ZFHX3: variants seen among roughly 807,000 people sequenced by gnomAD.
ZFHX3 encodes zinc finger homeobox 3.
ZFHX3 carries 42 observed loss-of-function variants against 279.1 expected under a neutral mutation model. The ratio of observed to expected loss-of-function variants is 0.15; its 90% CI spans 0.12 to 0.19. The LOEUF (loss-of-function observed/expected upper bound fraction) is 0.19, where lower values mean the gene tolerates loss of function less well. Ranked by LOEUF, ZFHX3 falls within the 10% of genes least tolerant of loss-of-function variation. ZFHX3 has a pLI of 1.00. For synonymous variants in ZFHX3, 2,293 were observed against 1,957.8 expected (o/e 1.17, Z -4.52); for missense variants, 4,981 against 4,754.0 (o/e 1.05, Z -1.40).
At chr16:72,945,504 C>T (rs12927608) in intron 3 of ZFHX3, among the ~76,000 whole-genome samples, 18,239 of 152,098 alleles carry the variant, frequency 0.12, 1,473 homozygotes, top group Non-Finnish European at 0.18. Flanking sequence ...TCCAGCTGCT[C>T]CAGGAGAAGG....
chr16:73,271,239 T>C (rs1171692044), intron 4 of ZFHX3, among the ~76,000 whole-genome samples: 1 of 152,208 alleles, frequency 6.6e-6, no homozygotes, highest in Non-Finnish European at 1.5e-5. Context: ...TGAGCCCTTG[T>C]CATTTTAAAC....
In ZFHX3 at chr16:72,928,154, GGAGGGGAGA is replaced by G. The variant is rs1959569808; in HGVS notation, c.3216+22306_3216+22314del. On this transcript the variant is annotated intron_variant, in intron 3 of 9. Transcript: ENST00000268489. ...GGAGGGGGAGGGGAGAGAGGGAGGG[GGAGGGGAGA>G]GAGGGAGGGGGAGGGGAGAGAGGGA... 6.5e-5 allele frequency among the ~76,000 whole-genome samples: 4 copies of G among 61,684 alleles called. 1 individual carries two copies. Among genetic ancestry groups the G allele is most frequent in the African/African-American group, 2.1e-4 (3 of 13,954 alleles). The allele number at this position is 61,684 out of a possible 152,430, so 40.5% of individuals were successfully genotyped here. A position where few individuals can be genotyped will look rare whatever the true frequency, so the allele number is the denominator to read the frequency against.
chr16:73,846,339 C>G lies in ZFHX3; in HGVS notation c.-1608+45312G>C, dbSNP rs146122549. 7.9e-3 allele frequency among the ~76,000 whole-genome samples: 1,209 copies of G among 152,216 alleles called. 6 individuals are homozygous for G. Among genetic ancestry groups the G allele is most frequent in the South Asian group, 0.033 (159 of 4,824 alleles). On this transcript the variant is annotated intron_variant, in intron 1 of 17. Coordinates refer to the ZFHX3 transcript ENST00000641206. ...GCGTCTATCCTCTCTGAGTATCTGC[C>G]TAAGTTTTCGAGGGAAAACATGAAT...
At chr16:73,685,755 G>A (rs2053075831) in intron 1 of ZFHX3, among the ~76,000 whole-genome samples, 2 of 152,150 alleles carry the variant, frequency 1.3e-5, no homozygotes, top group African/African-American at 2.4e-5. Context: ...CAAGTTTCCT[G>A]TACCTCTTCC....
At chr16:73,339,404 G>A (rs2015985948) in intron 3 of ZFHX3, among the ~76,000 whole-genome samples, 1 of 152,196 alleles carries the variant, frequency 6.6e-6, no homozygotes, top group African/African-American at 2.4e-5. Context: ...CTATTACGAA[G>A]CTCTACACAG....
At chr16:73,594,504 G>T (rs539797414) in intron 2 of ZFHX3, among the ~76,000 whole-genome samples, 1 of 152,296 alleles carries the variant, frequency 6.6e-6, no homozygotes, top group East Asian at 1.9e-4. Context: ...AGACTGGGAG[G>T]TGATAAGACT....
chr16:73,650,444 C>T (rs912995145), intron 2 of ZFHX3, among the ~76,000 whole-genome samples: 1 of 152,106 alleles, frequency 6.6e-6, no homozygotes, highest in African/African-American at 2.4e-5. Context: ...CCCAGCCCTC[C>T]TTCACTCTCA....
intron 1 of ZFHX3, among the ~76,000 whole-genome samples, chr16:73,712,341 C>T (rs1802315929): frequency 1.3e-5 from 2 of 152,200 alleles, no homozygotes; most frequent in Admixed American, 6.5e-5. Flanking sequence ...GGGACAAAGG[C>T]TGTCCTCTCC....
At chr16:72,986,496 G>A (rs1406963946) in intron 1 of ZFHX3, among the ~76,000 whole-genome samples, 1 of 152,152 alleles carries the variant, frequency 6.6e-6, no homozygotes, top group East Asian at 1.9e-4. Context: ...ACTCAACTGT[G>A]ACTTGGGCTG....
chr16:73,448,526 A>G (rs1359517830), intron 3 of ZFHX3, among the ~76,000 whole-genome samples: 2 of 152,200 alleles, frequency 1.3e-5, no homozygotes, highest in African/African-American at 4.8e-5. Context: ...CAAAGGCTTG[A>G]GAAAGTCTTT....
intron 1 of ZFHX3, among the ~76,000 whole-genome samples, chr16:73,713,356 AG>A (rs553195413): frequency 3.3e-4 from 51 of 152,310 alleles, no homozygotes; most frequent in African/African-American, 1.2e-3. Flanking sequence ...AAGTAAATAA[AG>A]CCACCGTGGT....
intron 4 of ZFHX3, among the ~76,000 whole-genome samples, chr16:73,302,927 T>C (rs1021361217): frequency 6.6e-6 from 1 of 152,112 alleles, no homozygotes; most frequent in Non-Finnish European, 1.5e-5. Context: ...CTGTGGCAGG[T>C]GTTTACATTT....
rs115550250 is a variant in ZFHX3, at chr16:73,133,576, A to G, written c.-1023-2482T>C. Among the ~76,000 whole-genome samples the G allele has an allele frequency of 7.0e-3, 1,069 of 152,316 alleles. 21 individuals are homozygous for G. The highest frequency in any genetic ancestry group is 0.025 in the African/African-American group (1,028 of 41,566). On this transcript the variant is annotated intron_variant, in intron 6 of 17. Coordinates refer to the ZFHX3 transcript ENST00000641206. ...GACACATAGAGCAAAGACCATGTGAACACTCTGGAGGAAGATGGCCAGCTA... is the reference window on the plus strand; with the variant it reads ...GACACATAGAGCAAAGACCATGTGAGCACTCTGGAGGAAGATGGCCAGCTA...
At chr16:73,488,041 C>A (rs1386676381) in intron 2 of ZFHX3, among the ~76,000 whole-genome samples, 1 of 152,190 alleles carries the variant, frequency 6.6e-6, no homozygotes, top group African/African-American at 2.4e-5. Context: ...GTTCTACCTG[C>A]AGAGCAGTGA....
chr16:73,732,678 G>T (rs1271416174), intron 1 of ZFHX3, among the ~76,000 whole-genome samples: 1 of 152,218 alleles, frequency 6.6e-6, no homozygotes, highest in Non-Finnish European at 1.5e-5. Context: ...ACCAGTGTTA[G>T]CCTGTATCTC....
chr16:72,922,738 T>C (rs2039614486), intron 3 of ZFHX3, among the ~76,000 whole-genome samples: 1 of 152,208 alleles, frequency 6.6e-6, no homozygotes, highest in African/African-American at 2.4e-5. Flanking sequence ...TTTCAGATTG[T>C]TACATGCTGT....
At chr16:73,671,528 T>G (rs1169700999) in intron 2 of ZFHX3, among the ~76,000 whole-genome samples, 1 of 152,268 alleles carries the variant, frequency 6.6e-6, no homozygotes, top group Non-Finnish European at 1.5e-5. Context: ...ATATTTTCTT[T>G]GCTGAAAAGG....
Position 73,322,486 on chromosome 16 carries a change from G to A in ZFHX3, c.-1290-4150C>T, listed in dbSNP as rs540549135. On this transcript the variant is annotated intron_variant, in intron 3 of 17. Coordinates refer to the ZFHX3 transcript ENST00000641206. The stretch of plus-strand genomic sequence containing the variant: ...TAGGACACCTAGAGAAGAATGTTTA[G>A]CTTCGGGTGTTGCAGTACAAATGCA... 6.6e-5 allele frequency among the ~76,000 whole-genome samples: 10 copies of A among 152,304 alleles called. No homozygotes were observed. In the South Asian group the frequency reaches 1.7e-3, roughly 25 times the overall value.
At chr16:72,950,379 T>C in intron 3 of ZFHX3, 90 bp downstream of exon 3, 2 of 1,546,168 alleles carry the variant, frequency 1.3e-6, no homozygotes, top group Non-Finnish European at 1.7e-6. Context: ...CCAGAGACTG[T>C]CCGACTCCTC....
Sources: allele counts gnomAD v4.1 joint callset (sites outside exome capture counted in the v4.1 genomes callset), GRCh38; gene constraint gnomAD v4.1.1; transcripts MANE v1.5; gene names NCBI Gene and HGNC (gene_info 2026-07-23, HGNC 2026-07-21).